Variants in CNTNAP2 observed in about 807,000 individuals in gnomAD.
CNTNAP2 encodes contactin associated protein 2.
A neutral mutation model predicts 155.2 loss-of-function variants in CNTNAP2; 98 were observed. The observed-to-expected ratio is 0.63, with a 90% CI of 0.54 to 0.75. The LOEUF (loss-of-function observed/expected upper bound fraction) is 0.75. Among genes scored for constraint, CNTNAP2 ranks in the 30% least tolerant of loss-of-function variants. The pLI is 0.00. For missense variants in CNTNAP2, 1,727 were observed against 1,688.1 expected, an observed-to-expected ratio of 1.02 and a Z score of -0.40; for synonymous variants, 651 against 631.2, an observed-to-expected ratio of 1.03 and a Z score of -0.47.
At position 147,447,923 on chromosome 7, in the gene CNTNAP2, C is replaced by A. The variant is rs970201191; in HGVS notation, c.1671-38012C>A. ...TCATTACAAAAATTGTTTCCCACTA[C>A]TCAAATATGATAAAGCACTTTTAAC... On this transcript the variant is annotated intron_variant, in intron 10 of 23. Transcript: ENST00000361727. Among the ~76,000 whole-genome samples the A allele has an allele frequency of 2.0e-5, 3 of 152,076 alleles. No homozygotes were observed. The East Asian group carries it at 5.8e-4, about 29-fold the overall frequency.
chr7:148,046,455 A>AT (rs1316078539), intron 15 of CNTNAP2, among the ~76,000 whole-genome samples: 1 of 152,036 alleles, frequency 6.6e-6, no homozygotes, highest in Non-Finnish European at 1.5e-5. Flanking sequence ...CATGGGTGTA[A>AT]TTTTTTATAC....
intron 1 of CNTNAP2, among the ~76,000 whole-genome samples, chr7:146,210,426 C>A (rs148728780): frequency 0.015 from 2,310 of 152,200 alleles, 48 homozygotes; most frequent in African/African-American, 0.052. Flanking sequence ...GCCTCAGCTT[C>A]CTGAGCAGCT....
chr7:147,821,170 A>G (rs535166126), intron 13 of CNTNAP2, among the ~76,000 whole-genome samples: 17 of 152,248 alleles, frequency 1.1e-4, no homozygotes, highest in Non-Finnish European at 1.9e-4. Flanking sequence ...AGGAATTTTT[A>G]TTATATTTTT....
chr7:146,409,924 G>C (rs1299931601), intron 1 of CNTNAP2, among the ~76,000 whole-genome samples: 2 of 152,192 alleles, frequency 1.3e-5, no homozygotes, highest in Non-Finnish European at 2.9e-5. Context: ...TGGATGCAAT[G>C]ACTTTCAAGG....
At chr7:148,342,916 A>G (rs759448828) in intron 21 of CNTNAP2, among the ~76,000 whole-genome samples, 4 of 152,254 alleles carry the variant, frequency 2.6e-5, no homozygotes, top group Non-Finnish European at 5.9e-5. Context: ...TTGCCTTCCA[A>G]CAAGAAAGGG....
Position 146,506,517 on chromosome 7 carries a change from G to T in CNTNAP2, c.98-267754G>T, listed in dbSNP as rs147264782. Among the ~76,000 whole-genome samples, 68 of 152,324 alleles carry T rather than the reference G, an allele frequency of 4.5e-4. No individual in the cohort carries two copies. In the East Asian group the frequency reaches 8.9e-3, roughly 20 times the overall value. On this transcript the variant is annotated intron_variant, in intron 1 of 23. Coordinates refer to ENST00000361727, the MANE Select transcript of CNTNAP2 (RefSeq NM_014141.6). ...ACTCCAACCACCGGACCTGGCCAAG[G>T]CATTTGCCTCATCATTGCCCAGGGC... is the stretch of plus-strand genomic sequence containing the variant.
intron 10 of CNTNAP2, among the ~76,000 whole-genome samples, chr7:147,461,999 A>C (rs1247441344): frequency 6.6e-6 from 1 of 152,168 alleles, no homozygotes; most frequent in Non-Finnish European, 1.5e-5. Flanking sequence ...TTACTTTCAA[A>C]GTTTCAGCAA....
chr7:147,493,994 G>A (rs748126747), intron 11 of CNTNAP2, among the ~76,000 whole-genome samples: 2 of 152,128 alleles, frequency 1.3e-5, no homozygotes, highest in Non-Finnish European at 2.9e-5. Flanking sequence ...ATAAGCCCTT[G>A]CTCAGCTGTA....
intron 13 of CNTNAP2, among the ~76,000 whole-genome samples, chr7:147,753,575 T>C (rs1430590490): frequency 1.3e-5 from 2 of 152,182 alleles, no homozygotes; most frequent in Admixed American, 1.3e-4. Context: ...TATGTACTTA[T>C]GACACAGAAA....
chr7:147,699,344 A>G lies in CNTNAP2; in HGVS notation c.2098+60038A>G, dbSNP rs369919179. Among the ~76,000 whole-genome samples, 10 of 152,050 alleles carry G rather than the reference A, an allele frequency of 6.6e-5. 2 individuals are homozygous for G. Among genetic ancestry groups the G allele is most frequent in the African/African-American group, 2.4e-4 (10 of 41,490 alleles). On this transcript the variant is annotated intron_variant, in intron 13 of 23. Transcript: ENST00000361727. ...AAACCATCATTCTCAGCAAACTAAC[A>G]CAGGAGCAGAAAACCAAACACCACA...
chr7:147,614,199 C>G (rs890465596), intron 12 of CNTNAP2, among the ~76,000 whole-genome samples: 1 of 152,092 alleles, frequency 6.6e-6, no homozygotes, highest in African/African-American at 2.4e-5. Flanking sequence ...ATTCTTAGAC[C>G]TTGGCTCTTA....
rs10545940 is a variant in CNTNAP2 at position 147,916,591 on chromosome 7, GAA to G, written c.2255+12886_2255+12887del. On this transcript the variant is annotated intron_variant, in intron 14 of 23. Transcript: ENST00000361727. ...TAAGATTCAAAAGAGCTTTTTTTCT[GAA>G]AAAAAAAAAAAAAAATACAGTGTAT... is the stretch of plus-strand genomic sequence containing the variant. Among the ~76,000 whole-genome samples, 963 of 135,964 alleles carry G rather than the reference GAA, an allele frequency of 7.1e-3. 13 individuals are homozygous for G. The South Asian group carries it at 0.076, about 11-fold the overall frequency. 89.2% of individuals were successfully genotyped at this position (135,964 alleles called of 152,430 possible). A position where few individuals can be genotyped will look rare whatever the true frequency, so the allele number is the denominator to read the frequency against.
At chr7:147,489,175 T>C (rs548131737) in intron 11 of CNTNAP2, among the ~76,000 whole-genome samples, 5 of 152,308 alleles carry the variant, frequency 3.3e-5, no homozygotes, top group African/African-American at 1.2e-4. Flanking sequence ...ATGTCTCCTG[T>C]TTTCATTTGT....
rs369890981 is a variant in CNTNAP2 at position 146,859,957 on chromosome 7, G to C, written c.402+20053G>C. Among the ~76,000 whole-genome samples, 100 of 152,228 alleles carry C rather than the reference G, an allele frequency of 6.6e-4. 1 individual carries two copies. Among genetic ancestry groups the C allele is most frequent in the African/African-American group, 2.3e-3 (95 of 41,542 alleles). ...GCAGTAAGAGGAAACCTAGAGTGGG[G>C]GAGGAAGAGGATCAATTGCTTTAAG... On this transcript the variant is annotated intron_variant, in intron 3 of 23. Coordinates refer to ENST00000361727, the MANE Select transcript of CNTNAP2 (RefSeq NM_014141.6).
At chr7:147,346,158 T>TA (rs1795856284) in intron 9 of CNTNAP2, among the ~76,000 whole-genome samples, 6 of 149,024 alleles carry the variant, frequency 4.0e-5, no homozygotes, top group South Asian at 2.1e-4. Flanking sequence ...ATTTTATTTT[T>TA]TTTTTTTGAG....
chr7:148,358,701 A>C (rs1048389794), intron 21 of CNTNAP2, among the ~76,000 whole-genome samples: 4 of 152,266 alleles, frequency 2.6e-5, no homozygotes, highest in Admixed American at 6.5e-5. Context: ...GGAATGCATT[A>C]GAATAAAGCA....
chr7:148,234,977 A>G (rs1416087692), intron 20 of CNTNAP2, among the ~76,000 whole-genome samples: 1 of 152,212 alleles, frequency 6.6e-6, no homozygotes, highest in African/African-American at 2.4e-5. Context: ...ATCTTTGCCA[A>G]GAAGAAGCTA....
intron 8 of CNTNAP2, among the ~76,000 whole-genome samples, chr7:147,150,616 C>A (rs1304548126): frequency 6.6e-6 from 1 of 152,128 alleles, no homozygotes; most frequent in Non-Finnish European, 1.5e-5. Context: ...ATACTAATTT[C>A]ACTAGATAGA....
rs199753492 is a variant in CNTNAP2 at position 148,229,629 on chromosome 7, T to A, written c.3248-17T>A. 228 of 1,613,962 alleles carry A rather than the reference T, an allele frequency of 1.4e-4. No homozygotes were observed. Among genetic ancestry groups the A allele is most frequent in the Non-Finnish European group, 1.9e-4 (219 of 1,179,986 alleles). ...TTAGGGCAAACAAATTACTGAGCTT[T>A]CTTTTTTCTTCTATAGGAAGCTTAC... On this transcript the variant is annotated splice_polypyrimidine_tract_variant and intron_variant, in intron 19 of 23. Transcript: ENST00000361727.
Sources: gnomAD v4.1 joint callset for allele counts (sites outside exome capture counted in the v4.1 genomes callset) on GRCh38, gnomAD v4.1.1 for gene constraint, MANE v1.5 for transcripts, NCBI Gene and HGNC (gene_info 2026-07-23, HGNC 2026-07-21) for gene names.